ZSCAN22: variants seen among roughly 807,000 people sequenced by gnomAD.
The protein encoded by ZSCAN22 is zinc finger and SCAN domain containing 22.
A neutral mutation model predicts 12.4 loss-of-function variants in ZSCAN22; 7 were observed. The observed-to-expected ratio is 0.57, with a 90% CI of 0.32 to 1.06. The LOEUF (loss-of-function observed/expected upper bound fraction) is 1.06. ZSCAN22 is among the 50% of genes least tolerant of loss of function. The pLI, the probability that ZSCAN22 is intolerant of heterozygous loss-of-function variation, is 0.04. For synonymous variants in ZSCAN22, 243 were observed against 255.9 expected (o/e 0.95, Z 0.48); for missense variants, 576 against 631.7 (o/e 0.91, Z 0.94).
Position 58,331,542 on chromosome 19 carries a change from A to G in ZSCAN22, c.-51-3210A>G, listed in dbSNP as rs866370005. Among the ~76,000 whole-genome samples the G allele has an allele frequency of 2.3e-3, 326 of 139,566 alleles. 1 individual carries two copies. The highest frequency in any genetic ancestry group is 0.02 in the Middle Eastern group (5 of 246). The allele number at this position is 139,566 out of a possible 152,430, so 91.6% of individuals were successfully genotyped here. ...CGTTATTATTATTATTATTATTATT[A>G]TTATTATTATTATTATTATTATTTT... On this transcript the variant is annotated intron_variant, in intron 1 of 2. Transcript: ENST00000329665.
In ZSCAN22 at chr19:58,339,503, T is replaced by C; in HGVS notation, c.*177T>C. 1.6e-6 allele frequency: 1 copy of C among 620,338 alleles called. No individual in the cohort carries two copies. 38.4% of individuals were successfully genotyped at this position (620,338 alleles called of 1,614,324 possible). Reference sequence around the variant, plus strand: ...GAACCACTCTGCATTTGAGGAACCCTGATGAGCACAAGGTGATTCAGGCCA... The same window carrying C: ...GAACCACTCTGCATTTGAGGAACCCCGATGAGCACAAGGTGATTCAGGCCA... On this transcript the variant is annotated 3_prime_UTR_variant, in exon 3 of 3. Coordinates refer to ENST00000329665, the MANE Select transcript of ZSCAN22 (RefSeq NM_181846.3). This position sits in a 1 kb window ranked among gnomAD's most constrained non-coding sequence, Gnocchi z 5.6.
chr19:58,331,637 C>T (rs139211863), intron 1 of ZSCAN22, among the ~76,000 whole-genome samples: 15,548 of 150,486 alleles, frequency 0.1, 1,296 homozygotes, highest in African/African-American at 0.22. Flanking sequence ...CTCCACCTCC[C>T]GGGTTCAAGA....
Position 58,338,329 on chromosome 19 carries a change from T to G in ZSCAN22, c.479T>G (p.Val160Gly). The G allele has an allele frequency of 6.2e-7, 1 of 1,613,914 alleles. No homozygotes were observed. The highest frequency in any genetic ancestry group is 8.5e-7 in the Non-Finnish European group (1 of 1,179,888). ...CTGGGAGAGTCAGAGCCATCAAATG[T>G]CACTGAGACCCTCATGGGAGGTGTT... is the stretch of plus-strand genomic sequence containing the variant. ...SDLGESEPSN[V>G]TETLMGGVSL... Residue 160 changes from valine to glycine, a missense_variant, in exon 3 of 3, where the codon GTC (valine) becomes GGC (glycine). By Grantham distance (109) the Val-to-Gly change is moderately radical. Coordinates refer to ENST00000329665, the MANE Select transcript of ZSCAN22 (RefSeq NM_181846.3). This position sits in a 1 kb window ranked among gnomAD's most constrained non-coding sequence, Gnocchi z 5.4.
In ZSCAN22 at chr19:58,338,516, A is replaced by G; in HGVS notation, c.666A>G (p.Glu222=). 6.2e-7 allele frequency: 1 copy of G among 1,614,186 alleles called. No homozygotes were observed. Among genetic ancestry groups the G allele is most frequent in the Non-Finnish European group, 8.5e-7 (1 of 1,180,042 alleles). Residue 222 remains glutamate, a synonymous_variant, in exon 3 of 3, where the codon GAA becomes GAG. Coordinates refer to ENST00000329665, the MANE Select transcript of ZSCAN22 (RefSeq NM_181846.3). This position sits in a 1 kb window ranked among gnomAD's most constrained non-coding sequence, Gnocchi z 5.4. ...KDVPTDQRGR[E]SGASRNSSSA... ...TCCCCACAGACCAGCGTGGCCGTGA[A>G]TCTGGTGCCTCGAGGAACAGTTCTA...
rs2051818051 is a variant in ZSCAN22 at position 58,338,036 on chromosome 19, AG to A, written c.404-217del. ...AGATGGCGAGTTTGGTGGGAGGAGGAGAAATCAGAACCCATGGTGTAGTTTT... is the reference window on the plus strand; with the variant it reads ...AGATGGCGAGTTTGGTGGGAGGAGGAAAATCAGAACCCATGGTGTAGTTTT... On this transcript the variant is annotated intron_variant, in intron 2 of 2. Transcript: ENST00000329665. This position sits in a 1 kb window ranked among gnomAD's most constrained non-coding sequence, Gnocchi z 5.4. 6.6e-6 allele frequency among the ~76,000 whole-genome samples: 1 copy of A among 152,248 alleles called. No individual in the cohort carries two copies. Among genetic ancestry groups the A allele is most frequent in the South Asian group, 2.1e-4 (1 of 4,836 alleles).
At chr19:58,334,082 G>C (rs2051758963) in intron 1 of ZSCAN22, among the ~76,000 whole-genome samples, 1 of 152,202 alleles carries the variant, frequency 6.6e-6, no homozygotes, top group South Asian at 2.1e-4. Context: ...CAAGTAAAGT[G>C]AGAGAATGAC....
Position 58,335,008 on chromosome 19 carries a change from AC to A in ZSCAN22, c.208del (p.Leu70SerfsTer58). On this transcript the variant is annotated frameshift_variant, in exon 2 of 3. Transcript: ENST00000329665. LOFTEE classifies it high-confidence loss of function. This position sits in a 1 kb window ranked among gnomAD's most constrained non-coding sequence, Gnocchi z 4.1. ...EASGPHEALA[H>X]LRALCCQWLQ... Reference sequence around the variant, plus strand: ...TCTGGTCCACACGAGGCCCTGGCCCACCTCCGAGCGCTGTGCTGTCAGTGGC... The same window carrying A: ...TCTGGTCCACACGAGGCCCTGGCCCACTCCGAGCGCTGTGCTGTCAGTGGC... 6.2e-7 allele frequency: 1 copy of A among 1,614,044 alleles called. No homozygotes were observed. Among genetic ancestry groups the A allele is most frequent in the Non-Finnish European group, 8.5e-7 (1 of 1,180,018 alleles).
rs1478501099 is a variant in ZSCAN22 at position 58,335,934 on chromosome 19, C to T, written c.403+729C>T. 6.6e-6 allele frequency among the ~76,000 whole-genome samples: 1 copy of T among 152,222 alleles called. No homozygotes were observed. Among genetic ancestry groups the T allele is most frequent in the Admixed American group, 6.5e-5 (1 of 15,288 alleles). Reference sequence around the variant, plus strand: ...GGTCCAGTGGGATGCAGGGAAGACCCAGCCTTGGGACAATCCAGAGCAGGG... The same window carrying T: ...GGTCCAGTGGGATGCAGGGAAGACCTAGCCTTGGGACAATCCAGAGCAGGG... On this transcript the variant is annotated intron_variant, in intron 2 of 2. Transcript: ENST00000329665. The surrounding 1 kb of genome is among the most constrained non-coding windows in gnomAD (Gnocchi z 4.1).
chr19:58,338,422 G>C lies in ZSCAN22; in HGVS notation c.572G>C (p.Gly191Ala), dbSNP rs748366767. The C allele has an allele frequency of 6.2e-7, 1 of 1,614,146 alleles. No individual in the cohort carries two copies. Among genetic ancestry groups the C allele is most frequent in the East Asian group, 2.2e-5 (1 of 44,878 alleles). Residue 191 changes from glycine (G) to alanine (A), a missense_variant, in exon 3 of 3, where the codon GGG becomes GCG. Transcript: ENST00000329665. This position sits in a 1 kb window ranked among gnomAD's most constrained non-coding sequence, Gnocchi z 5.4. ...AGCTCAGAGAGGTCTGGACTATCAGGGGAGATCTGGACAAAGTCTGTCACC... is the reference window on the plus strand; with the variant it reads ...AGCTCAGAGAGGTCTGGACTATCAGCGGAGATCTGGACAAAGTCTGTCACC... ...EGSSERSGLS[G>A]EIWTKSVTQQ...
At position 58,340,528 on chromosome 19, in the gene ZSCAN22, T is replaced by C. The variant is rs1456133367; in HGVS notation, c.*1202T>C. ...TCTCGCTCTGTCGCCCAGGCTGGAG[T>C]GCAGTGGCGCGATCTCGGCTCACTG... On this transcript the variant is annotated 3_prime_UTR_variant, in exon 3 of 3. Coordinates refer to ENST00000329665, the MANE Select transcript of ZSCAN22 (RefSeq NM_181846.3). 1 of 151,110 alleles carries C rather than the reference T, an allele frequency of 6.6e-6. No individual in the cohort carries two copies. Among genetic ancestry groups the C allele is most frequent in the Admixed American group, 6.7e-5 (1 of 15,032 alleles). The allele number at this position is 151,110 out of a possible 1,614,324, so 9.4% of individuals were successfully genotyped here.
chr19:58,328,880 A>C (rs1332738032), intron 1 of ZSCAN22, among the ~76,000 whole-genome samples: 5 of 152,104 alleles, frequency 3.3e-5, no homozygotes, highest in South Asian at 4.1e-4. Flanking sequence ...ATGCCTGCTT[A>C]TTGTGAACCT....
rs200006267 is a variant in ZSCAN22 at position 58,338,974 on chromosome 19, C to A, written c.1124C>A (p.Thr375Lys). The A allele has an allele frequency of 1.2e-6, 2 of 1,613,086 alleles. No homozygotes were observed. Among genetic ancestry groups the A allele is most frequent in the African/African-American group, 1.3e-5 (1 of 74,872 alleles). The stretch of plus-strand genomic sequence containing the variant: ...CTCACCCAGCACCAGCGGGTGCACA[C>A]GGGGGAGCGGCCCTACGAGTGTGAC... ...THLTQHQRVHTGERPYECDAC... is the reference protein window; with the variant it reads ...THLTQHQRVHKGERPYECDAC... The change falls in exon 3 of 3, where the codon ACG becomes AAG. Residue 375 changes from threonine (T) to lysine (K), a missense_variant. Transcript: ENST00000329665. The surrounding 1 kb of genome is among the most constrained non-coding windows in gnomAD (Gnocchi z 5.4).
intron 1 of ZSCAN22, among the ~76,000 whole-genome samples, chr19:58,331,516 ACGT>A (rs1346855212): frequency 0.01 from 1,313 of 129,960 alleles, 14 homozygotes; most frequent in South Asian, 0.036. Flanking sequence ...CGTCCAGCTG[ACGT>A]TATTATTATT....
chr19:58,327,411 A>G (rs190688193), intron 1 of ZSCAN22, among the ~76,000 whole-genome samples: 1 of 152,268 alleles, frequency 6.6e-6, no homozygotes, highest in East Asian at 1.9e-4. Flanking sequence ...TGAGTGCCGG[A>G]CGGACCGACG....
At chr19:58,334,645 G>GA in intron 1 of ZSCAN22, 107 bp from the exon 2 acceptor site, 1 of 806,712 alleles carries the variant, frequency 1.2e-6, no homozygotes. Context: ...ATGTCTTTGT[G>GA]AGAGTCTTTC....
rs769743960 is a variant in ZSCAN22, at chr19:58,334,755, C to T, written c.-48C>T. 2 of 1,520,120 alleles carry T rather than the reference C, an allele frequency of 1.3e-6. No homozygotes were observed. Among genetic ancestry groups the T allele is most frequent in the East Asian group, 2.3e-5 (1 of 43,108 alleles). 94.2% of individuals were successfully genotyped at this position (1,520,120 alleles called of 1,614,324 possible). ...TGAAGCTCTGACATTCCTGCAGGCC[C>T]AGTTCCAAGGCTCCGGCATCCTGTG... On this transcript the variant is annotated 5_prime_UTR_variant, in exon 2 of 3. Coordinates refer to ENST00000329665, the MANE Select transcript of ZSCAN22 (RefSeq NM_181846.3).
intron 2 of ZSCAN22, among the ~76,000 whole-genome samples, chr19:58,336,902 G>A (rs930336909): frequency 6.6e-6 from 1 of 152,196 alleles, no homozygotes; most frequent in Non-Finnish European, 1.5e-5. Flanking sequence ...GGTAGACCTG[G>A]GGTTTGAGTC....
chr19:58,327,465 T>G (rs2051667401), intron 1 of ZSCAN22, among the ~76,000 whole-genome samples: 1 of 152,138 alleles, frequency 6.6e-6, no homozygotes, highest in Admixed American at 6.5e-5. Flanking sequence ...ATGGACTGAT[T>G]GACCGGGTGT....
rs536070243 is a variant in ZSCAN22, at chr19:58,339,982, C to G, written c.*656C>G. On this transcript the variant is annotated 3_prime_UTR_variant, in exon 3 of 3. Transcript: ENST00000329665. This position sits in a 1 kb window ranked among gnomAD's most constrained non-coding sequence, Gnocchi z 5.6. ...TTCCACATCCCACCAGTCACCAGCG[C>G]TATTGTTTTAACCTAAAGCTTATCT... 1 of 153,070 alleles carries G rather than the reference C, an allele frequency of 6.5e-6. No homozygotes were observed. Among genetic ancestry groups the G allele is most frequent in the South Asian group, 2.1e-4 (1 of 4,836 alleles). The allele number at this position is 153,070 out of a possible 1,614,324, so 9.5% of individuals were successfully genotyped here.
Sources: gnomAD v4.1 joint callset for allele counts (sites outside exome capture counted in the v4.1 genomes callset) on GRCh38, gnomAD v4.1.1 for gene constraint, Gnocchi (gnomAD v3.1) non-coding constraint, MANE v1.5 for transcripts, NCBI Gene and HGNC (gene_info 2026-07-23, HGNC 2026-07-21) for gene names.